CEP192: variants seen among roughly 807,000 people sequenced by gnomAD.
The protein encoded by CEP192 is centrosomal protein of 192 kDa.
In CEP192, 151 loss-of-function variants were observed where a neutral mutation model predicts 271.8. The ratio of observed to expected loss-of-function variants is 0.56; its 90% confidence interval spans 0.49 to 0.64. The LOEUF (loss-of-function observed/expected upper bound fraction) is 0.64, where lower values mean the gene tolerates loss of function less well. Ranked by LOEUF, CEP192 falls within the 30% of genes least tolerant of loss-of-function variation. The probability of loss-of-function intolerance (pLI) is 0.00; values close to 1 mark genes in which losing one functional copy is unlikely to be tolerated. For missense variants in CEP192, 2,910 were observed against 3,020.5 expected, an observed-to-expected ratio of 0.96 and a Z score of 0.86; for synonymous variants, 995 against 1,076.5, an observed-to-expected ratio of 0.92 and a Z score of 1.48.
chr18:13,072,933 TA>T (rs1385322856), intron 29 of CEP192, 75 bp from the exon 30 acceptor site: 22 of 1,548,224 alleles, frequency 1.4e-5, no homozygotes, highest in Non-Finnish European at 2.0e-5. Context: ...ATTTAGCTTT[TA>T]AGAATCTGTG....
Position 13,069,131 on chromosome 18 carries a change from C to T in CEP192, c.5005C>T (p.His1669Tyr), listed in dbSNP as rs543348254. ...CAAAGTGGCTTCCTCAAGAAAGCAG[C>T]ACTTACCTTTGAAAAATGCTGGGAA... Reference protein sequence around the residue: ...LAKVASSRKQHLPLKNAGNIE... With the variant: ...LAKVASSRKQYLPLKNAGNIE... Residue 1669 changes from histidine (H) to tyrosine (Y), a missense_variant, in exon 26 of 45, where the codon CAC becomes TAC. Transcript: ENST00000506447. 2.4e-5 allele frequency: 39 copies of T among 1,614,184 alleles called. No homozygotes were observed. The highest frequency in any genetic ancestry group is 2.2e-4 in the Admixed American group (13 of 60,014).
At chr18:13,114,467 T>G (rs2040344729) in intron 42 of CEP192, among the ~76,000 whole-genome samples, 1 of 152,198 alleles carries the variant, frequency 6.6e-6, no homozygotes, top group Admixed American at 6.5e-5. Flanking sequence ...TCATTTTGCT[T>G]GAACTTCATA....
chr18:13,029,000 A>G (rs1163111584), intron 9 of CEP192, among the ~76,000 whole-genome samples: 2 of 152,234 alleles, frequency 1.3e-5, no homozygotes, highest in Admixed American at 6.5e-5. Context: ...TTGTCTTACT[A>G]TAGCAGAAAG....
rs1397125540 is a variant in CEP192 at position 13,015,341 on chromosome 18, A to T, written c.533A>T (p.Asp178Val). 1 of 1,550,748 alleles carries T rather than the reference A, an allele frequency of 6.4e-7. No individual in the cohort carries two copies. The highest frequency in any genetic ancestry group is 8.7e-7 in the Non-Finnish European group (1 of 1,146,716). ...NNKEPKIVVL[D>V]AGKHFEDKTL... ...TGTTTCTTATAGATTGTTGTGCTTG[A>T]TGCTGGAAAACATTTTGAAGACAAG... is the stretch of plus-strand genomic sequence containing the variant. Residue 178 changes from aspartate to valine, a missense_variant, in exon 6 of 45, where the codon GAT becomes GTT. Asp to Val is a radical substitution (Grantham distance 152, BLOSUM62 -3). Coordinates refer to ENST00000506447, the MANE Select transcript of CEP192 (RefSeq NM_032142.4).
At chr18:13,111,983 G>A (rs766727024) in intron 40 of CEP192, among the ~76,000 whole-genome samples, 8 of 152,196 alleles carry the variant, frequency 5.3e-5, no homozygotes, top group Non-Finnish European at 8.8e-5. Flanking sequence ...AACAGGTGTT[G>A]GTGAGGATGT....
At chr18:13,022,281 A>G (rs1488733869) in intron 9 of CEP192, among the ~76,000 whole-genome samples, 1 of 152,180 alleles carries the variant, frequency 6.6e-6, no homozygotes, top group Non-Finnish European at 1.5e-5. Flanking sequence ...TTAAGTAATG[A>G]AATTGGACAG....
At chr18:13,078,682 C>T (rs59113597) in intron 30 of CEP192, among the ~76,000 whole-genome samples, 6,124 of 152,062 alleles carry the variant, frequency 0.04, 382 homozygotes, top group African/African-American at 0.14. Context: ...ATGTTCACAA[C>T]GTGCAGGTTT....
At chr18:13,080,771 G>T (rs1167336980) in intron 30 of CEP192, among the ~76,000 whole-genome samples, 1 of 152,076 alleles carries the variant, frequency 6.6e-6, no homozygotes, top group Non-Finnish European at 1.5e-5. Flanking sequence ...ATTGGCTGTG[G>T]GTTTGTCATA....
At chr18:13,010,744 G>C (rs956383148) in intron 4 of CEP192, among the ~76,000 whole-genome samples, 1 of 152,152 alleles carries the variant, frequency 6.6e-6, no homozygotes, top group Admixed American at 6.5e-5. Context: ...TACGTGGGAG[G>C]CTGAGGCAGG....
At chr18:13,067,979 A>C (rs1223818762) in intron 22 of CEP192, 23 bp downstream of exon 22, 1 of 1,602,924 alleles carries the variant, frequency 6.2e-7, no homozygotes, top group Admixed American at 1.7e-5. Flanking sequence ...ATACAGTAAG[A>C]AACCATTTAC....
rs561123362 is a variant in CEP192, at chr18:13,100,619, A to T, written c.6871+107A>T. The T allele has an allele frequency of 3.6e-6, 3 of 840,204 alleles. No individual in the cohort carries two copies. The East Asian group carries it at 7.9e-5, about 22-fold the overall frequency. 52.0% of individuals were successfully genotyped at this position (840,204 alleles called of 1,614,324 possible). A position where few individuals can be genotyped will look rare whatever the true frequency, so the allele number is the denominator to read the frequency against. ...ATAAATATAAATTTCCTCCTACTTCAGGAGAAAAGTGGTCATTAGCAGTCA... is the reference window on the plus strand; with the variant it reads ...ATAAATATAAATTTCCTCCTACTTCTGGAGAAAAGTGGTCATTAGCAGTCA... On this transcript the variant is annotated intron_variant, in intron 38 of 44. Transcript: ENST00000506447.
chr18:13,057,950 T>G (rs2037203643), intron 20 of CEP192: 1 of 310,306 alleles, frequency 3.2e-6, no homozygotes, highest in African/African-American at 2.1e-5. Flanking sequence ...TTATATTTTA[T>G]TGTTATTTAT....
intron 4 of CEP192, among the ~76,000 whole-genome samples, chr18:13,009,262 T>C (rs539958979): frequency 1.3e-5 from 2 of 152,336 alleles, no homozygotes; most frequent in East Asian, 3.9e-4. Context: ...AAAGGTCTCC[T>C]CTTAACCTTG....
At chr18:13,006,893 C>G (rs2034014987) in intron 3 of CEP192, among the ~76,000 whole-genome samples, 1 of 152,158 alleles carries the variant, frequency 6.6e-6, no homozygotes, top group Non-Finnish European at 1.5e-5. Flanking sequence ...GCAAGCCCTT[C>G]CCTCCCCGTT....
chr18:13,049,679 G>T lies in CEP192; in HGVS notation c.2888G>T (p.Ser963Ile). 1 of 1,606,750 alleles carries T rather than the reference G, an allele frequency of 6.2e-7. No individual in the cohort carries two copies. Among genetic ancestry groups the T allele is most frequent in the East Asian group, 2.2e-5 (1 of 44,798 alleles). Reference protein sequence around the residue: ...ENHRIVSPKNSDLKNTSPEHG... With the variant: ...ENHRIVSPKNIDLKNTSPEHG... ...CATCGCATAGTCTCACCTAAAAATA[G>T]TGGTAAGTGTCTGAGTCGTTGGTCA... Residue 963 changes from serine (S) to isoleucine (I), a missense_variant and splice_region_variant, in exon 16 of 45, where the codon AGT becomes ATT. Physicochemically the swap from Ser to Ile is moderately radical, Grantham distance 142. Coordinates refer to ENST00000506447, the MANE Select transcript of CEP192 (RefSeq NM_032142.4).
intron 9 of CEP192, among the ~76,000 whole-genome samples, chr18:13,021,364 A>G (rs2034983990): frequency 6.6e-6 from 1 of 152,214 alleles, no homozygotes; most frequent in Middle Eastern, 3.2e-3. Context: ...ACCATTTATT[A>G]AAAAGGCTGT....
chr18:13,113,938 G>A (rs1186983938), intron 41 of CEP192, among the ~76,000 whole-genome samples, 192 bp from the exon 42 acceptor site: 1 of 152,162 alleles, frequency 6.6e-6, no homozygotes, highest in African/African-American at 2.4e-5. Context: ...TGTGCATCAT[G>A]TATGCACATG....
intron 30 of CEP192, among the ~76,000 whole-genome samples, chr18:13,079,529 G>T (rs1238893643): frequency 6.6e-6 from 1 of 152,060 alleles, no homozygotes; most frequent in African/African-American, 2.4e-5. Context: ...TGTAGATTCT[G>T]GATATTAGCC....
intron 30 of CEP192, among the ~76,000 whole-genome samples, chr18:13,078,574 C>T (rs1011314287): frequency 2.6e-5 from 4 of 152,120 alleles, no homozygotes; most frequent in African/African-American, 9.7e-5. Context: ...TCCTATTTCT[C>T]CATATCCTCT....
Sources: gnomAD v4.1 joint callset for allele counts (sites outside exome capture counted in the v4.1 genomes callset) on GRCh38, gnomAD v4.1.1 for gene constraint, MANE v1.5 for transcripts, NCBI Gene and HGNC (gene_info 2026-07-23, HGNC 2026-07-21) for gene names.